Variants in ABLIM2 observed in about 807,000 individuals in gnomAD.
ABLIM2 encodes the protein actin binding LIM protein family member 2.
A neutral mutation model predicts 97.7 loss-of-function variants in ABLIM2; 53 were observed. The observed-to-expected ratio is 0.54, with a 90% CI of 0.44 to 0.68. The LOEUF is 0.68. Ranked by LOEUF, ABLIM2 falls within the 30% of genes least tolerant of loss-of-function variation. ABLIM2 has a pLI of 0.00. For synonymous variants in ABLIM2, 361 were observed against 345.8 expected (o/e 1.04, Z -0.49); for missense variants, 835 against 867.2 (o/e 0.96, Z 0.47).
intron 17 of ABLIM2, among the ~76,000 whole-genome samples, chr4:7,988,699 G>T (rs1268342315): frequency 2.0e-5 from 3 of 152,284 alleles, no homozygotes; most frequent in South Asian, 4.1e-4. Flanking sequence ...GCTTATAAAA[G>T]ATTTCACAAC....
intron 14 of ABLIM2, among the ~76,000 whole-genome samples, chr4:8,017,191 C>T (rs974258693): frequency 6.6e-6 from 1 of 152,170 alleles, no homozygotes; most frequent in Non-Finnish European, 1.5e-5. Context: ...TCCTCCCAGG[C>T]CCTCATACAA....
At chr4:7,969,224 C>T (rs1247194754) in intron 20 of ABLIM2, among the ~76,000 whole-genome samples, 1 of 152,206 alleles carries the variant, frequency 6.6e-6, no homozygotes, top group Non-Finnish European at 1.5e-5. Flanking sequence ...GAGGCCAAGG[C>T]GGGCAGATCA....
intron 10 of ABLIM2, among the ~76,000 whole-genome samples, chr4:8,035,405 C>T (rs1783934583): frequency 6.6e-6 from 1 of 152,158 alleles, no homozygotes; most frequent in South Asian, 2.1e-4. Context: ...AATGAGAAGG[C>T]CCAAGGGAAA....
intron 16 of ABLIM2, chr4:7,993,887 T>C: frequency 2.0e-6 from 1 of 503,594 alleles, no homozygotes; most frequent in Non-Finnish European, 4.0e-6. Context: ...TGTCCCTGGC[T>C]GGCCCTGGGT....
At position 7,998,320 on chromosome 4, in the gene ABLIM2, G is replaced by C. The variant is rs543021014; in HGVS notation, c.1619-5393C>G. Among the ~76,000 whole-genome samples, 16 of 152,244 alleles carry C rather than the reference G, an allele frequency of 1.1e-4. No homozygotes were observed. Among genetic ancestry groups the C allele is most frequent in the African/African-American group, 3.9e-4 (16 of 41,528 alleles). The stretch of plus-strand genomic sequence containing the variant: ...TTGTTAAGTGTTAAATCCTCTATTT[G>C]AGCAGGCTGTCACCCTGTTTAGGTT... On this transcript the variant is annotated intron_variant, in intron 16 of 20. Transcript: ENST00000447017. The surrounding 1 kb of genome is among the most constrained non-coding windows in gnomAD (Gnocchi z 6.4).
In ABLIM2 at chr4:7,980,941, ATTTTTT is replaced by A. The variant is rs1167615555; in HGVS notation, c.1824+2317_1824+2322del. On this transcript the variant is annotated intron_variant, in intron 20 of 20. Coordinates refer to ENST00000447017, the MANE Select transcript of ABLIM2 (RefSeq NM_001130083.2). ...AGAACCATGGTCTCCACAACCCCTT[ATTTTTT>A]TTTTTTTTTTTTTTGAGATGGAGTC... Among the ~76,000 whole-genome samples, 3 of 82,988 alleles carry A rather than the reference ATTTTTT, an allele frequency of 3.6e-5. 1 individual carries two copies. Among genetic ancestry groups the A allele is most frequent in the African/African-American group, 1.7e-4 (3 of 18,102 alleles). The allele number at this position is 82,988 out of a possible 152,430, so 54.4% of individuals were successfully genotyped here.
At chr4:8,121,556 G>A (rs1845463762) in intron 1 of ABLIM2, among the ~76,000 whole-genome samples, 1 of 152,200 alleles carries the variant, frequency 6.6e-6, no homozygotes, top group Admixed American at 6.5e-5. Flanking sequence ...GGCAGACAGG[G>A]CGGCCCAGCC....
chr4:8,002,836 C>T lies in ABLIM2; in HGVS notation c.1618+5223G>A, dbSNP rs1222363499. Among the ~76,000 whole-genome samples, 1 of 152,204 alleles carries T rather than the reference C, an allele frequency of 6.6e-6. No homozygotes were observed. The highest frequency in any genetic ancestry group is 1.5e-5 in the Non-Finnish European group (1 of 68,036). ...GCCCTGGGTGATGCGGAATGCTCTC[C>T]CCCATATACCGGCCCTATTCAAGTG... is the stretch of plus-strand genomic sequence containing the variant. On this transcript the variant is annotated intron_variant, in intron 16 of 20. Transcript: ENST00000447017. The surrounding 1 kb of genome is among the most constrained non-coding windows in gnomAD (Gnocchi z 6.1).
At position 8,127,399 on chromosome 4, in the gene ABLIM2, G is replaced by A; in HGVS notation, c.11-20762C>T. 1 of 1,017,552 alleles carries A rather than the reference G, an allele frequency of 9.8e-7. No individual in the cohort carries two copies. The highest frequency in any genetic ancestry group is 1.5e-5 in the South Asian group (1 of 65,904). 63.0% of individuals were successfully genotyped at this position (1,017,552 alleles called of 1,614,324 possible). A position where few individuals can be genotyped will look rare whatever the true frequency, so the allele number is the denominator to read the frequency against. On this transcript the variant is annotated intron_variant, in intron 1 of 20. Transcript: ENST00000447017. This position sits in a 1 kb window ranked among gnomAD's most constrained non-coding sequence, Gnocchi z 7.3. ...TGCCGGCGCTCATGACCTTCACGCAGGGCACAACTTGACTGGACCCGTCCT... is the reference window on the plus strand; with the variant it reads ...TGCCGGCGCTCATGACCTTCACGCAAGGCACAACTTGACTGGACCCGTCCT...
At chr4:8,091,762 A>G (rs1427438811) in intron 3 of ABLIM2, among the ~76,000 whole-genome samples, 1 of 78,530 alleles carries the variant, frequency 1.3e-5, no homozygotes, top group Non-Finnish European at 2.1e-5. Context: ...AATATTATAT[A>G]TTTATTATGC....
At position 8,109,750 on chromosome 4, in the gene ABLIM2, G is replaced by A. The variant is rs528871298; in HGVS notation, c.11-3113C>T. Among the ~76,000 whole-genome samples, 8 of 152,272 alleles carry A rather than the reference G, an allele frequency of 5.3e-5. No individual in the cohort carries two copies. In the East Asian group the frequency reaches 1.5e-3, roughly 29 times the overall value. ...AGGGGTTGGCCTGGGAAGCAGGCAT[G>A]GGAAAGGAGATGAATGGCATGAAAA... On this transcript the variant is annotated intron_variant, in intron 1 of 20. Coordinates refer to ENST00000447017, the MANE Select transcript of ABLIM2 (RefSeq NM_001130083.2).
intron 5 of ABLIM2, among the ~76,000 whole-genome samples, chr4:8,079,130 T>G (rs1818132849): frequency 6.6e-6 from 1 of 152,222 alleles, no homozygotes; most frequent in African/African-American, 2.4e-5. Context: ...ACAGCTGGGA[T>G]AAGCCATCGC....
intron 3 of ABLIM2, among the ~76,000 whole-genome samples, chr4:8,094,039 T>C (rs1039862039): frequency 6.6e-6 from 1 of 152,218 alleles, no homozygotes; most frequent in Non-Finnish European, 1.5e-5. Flanking sequence ...CTGCTTAAGT[T>C]TGAATTCTTT....
intron 2 of ABLIM2, among the ~76,000 whole-genome samples, chr4:8,100,636 C>T (rs947242409): frequency 6.6e-6 from 1 of 151,360 alleles, no homozygotes. Context: ...ATCCCAGCTA[C>T]TCGGGAGGCT....
At chr4:8,119,042 C>G (rs1268766747) in intron 1 of ABLIM2, among the ~76,000 whole-genome samples, 1 of 152,228 alleles carries the variant, frequency 6.6e-6, no homozygotes, top group Non-Finnish European at 1.5e-5. Context: ...GGACAAGCCT[C>G]TGGCTTTGTC....
At chr4:8,055,205 T>G (rs1392715765) in intron 7 of ABLIM2, among the ~76,000 whole-genome samples, 1 of 152,242 alleles carries the variant, frequency 6.6e-6, no homozygotes, top group Non-Finnish European at 1.5e-5. Flanking sequence ...GCGATCCTTC[T>G]TGTGCATGGG....
At chr4:7,983,994 T>C (rs1056819912) in intron 18 of ABLIM2, among the ~76,000 whole-genome samples, 2 of 152,208 alleles carry the variant, frequency 1.3e-5, no homozygotes, top group Non-Finnish European at 2.9e-5. Context: ...CCTTATTAAC[T>C]CTACATTTTC....
chr4:8,022,070 A>G lies in ABLIM2; in HGVS notation c.1268-1767T>C, dbSNP rs1774114974. Among the ~76,000 whole-genome samples, 1 of 152,152 alleles carries G rather than the reference A, an allele frequency of 6.6e-6. No individual in the cohort carries two copies. Among genetic ancestry groups the G allele is most frequent in the South Asian group, 2.1e-4 (1 of 4,828 alleles). On this transcript the variant is annotated intron_variant, in intron 12 of 20. Coordinates refer to ENST00000447017, the MANE Select transcript of ABLIM2 (RefSeq NM_001130083.2). The surrounding 1 kb of genome is among the most constrained non-coding windows in gnomAD (Gnocchi z 7.8). ...GGAAAGGACACCGCGGATCCCTCCT[A>G]CCGACTACGGCTGTGCTGGACCCAT...
intron 9 of ABLIM2, among the ~76,000 whole-genome samples, chr4:8,036,796 A>T (rs1008432436): frequency 6.6e-6 from 1 of 152,174 alleles, no homozygotes; most frequent in Admixed American, 6.5e-5. Flanking sequence ...CCATGGCTTA[A>T]ACATGTGTAC....
Sources: gnomAD v4.1 joint callset for allele counts (sites outside exome capture counted in the v4.1 genomes callset) on GRCh38, gnomAD v4.1.1 for gene constraint, Gnocchi (gnomAD v3.1) non-coding constraint, MANE v1.5 for transcripts, NCBI Gene and HGNC (gene_info 2026-07-23, HGNC 2026-07-21) for gene names.